The following ZFYVE16 variants were observed in gnomAD, a reference collection of about 807,000 sequenced individuals.
ZFYVE16 encodes zinc finger FYVE domain-containing protein 16.
A neutral mutation model predicts 138.1 loss-of-function variants in ZFYVE16; 89 were observed. That is an observed-to-expected ratio of 0.64 (90% confidence interval 0.54 to 0.77). The LOEUF (loss-of-function observed/expected upper bound fraction) is 0.77, where lower values mean the gene tolerates loss of function less well. ZFYVE16 is among the 30% of genes least tolerant of loss of function. ZFYVE16 has a pLI of 0.00. For missense variants in ZFYVE16, 1,793 were observed against 1,786.7 expected (o/e 1.00, Z -0.06); for synonymous variants, 596 against 618.3 (o/e 0.96, Z 0.53).
intron 15 of ZFYVE16, among the ~76,000 whole-genome samples, chr5:80,463,727 G>A (rs1753386249): frequency 6.6e-6 from 1 of 152,088 alleles, no homozygotes; most frequent in Non-Finnish European, 1.5e-5. Flanking sequence ...CAGTTCCAAA[G>A]TATCTCTTTG....
At chr5:80,426,272 G>GTGTGTGTGTATATATA (rs1370196862) in intron 1 of ZFYVE16, among the ~76,000 whole-genome samples, 1 of 26,398 alleles carries the variant, frequency 3.8e-5, no homozygotes, top group African/African-American at 5.9e-5. Context: ...GTGTGTGTGT[G>GTGTGTGTGTATATATA]TATATATATA....
chr5:80,442,977 CT>C, intron 5 of ZFYVE16, 145 bp from the exon 6 acceptor site: 1 of 746,362 alleles, frequency 1.3e-6, no homozygotes, highest in Non-Finnish European at 2.0e-6. Flanking sequence ...CAGACAGTAT[CT>C]TTGCCAAGTG....
At position 80,440,578 on chromosome 5, in the gene ZFYVE16, T is replaced by C. The variant is rs1032082563; in HGVS notation, c.2419+546T>C. On this transcript the variant is annotated intron_variant, in intron 5 of 18. Transcript: ENST00000505560. ...TCTCAACTTTAGAATTTTGCATATG[T>C]ACACTTCCCATTATTTCTTTGGCTC... 6.1e-6 allele frequency: 6 copies of C among 985,120 alleles called. No homozygotes were observed. In the African/African-American group the frequency reaches 1.0e-4, roughly 17 times the overall value. The allele number at this position is 985,120 out of a possible 1,614,324, so 61.0% of individuals were successfully genotyped here.
intron 1 of ZFYVE16, among the ~76,000 whole-genome samples, chr5:80,415,231 A>G (rs1054036228): frequency 5.9e-5 from 9 of 152,252 alleles, no homozygotes; most frequent in African/African-American, 2.2e-4. Context: ...TTAGATTTAC[A>G]GAATTATTGC....
intron 15 of ZFYVE16, among the ~76,000 whole-genome samples, chr5:80,469,662 G>A (rs1754103106): frequency 6.6e-6 from 1 of 152,114 alleles, no homozygotes. Context: ...GTGAGTGTGT[G>A]TACACAAATA....
intron 18 of ZFYVE16, among the ~76,000 whole-genome samples, chr5:80,475,708 TATATA>T (rs1754838196): frequency 6.6e-6 from 1 of 152,190 alleles, no homozygotes; most frequent in Non-Finnish European, 1.5e-5. Context: ...AGTAGTTGAT[TATATA>T]AATGTACCAT....
intron 15 of ZFYVE16, among the ~76,000 whole-genome samples, chr5:80,469,269 T>C (rs191530243): frequency 6.6e-6 from 1 of 151,874 alleles, no homozygotes; most frequent in East Asian, 1.9e-4. Context: ...CACCTGGCTA[T>C]TTTTTTGTTG....
At chr5:80,475,948 C>T (rs1405082885) in intron 18 of ZFYVE16, among the ~76,000 whole-genome samples, 1 of 152,184 alleles carries the variant, frequency 6.6e-6, no homozygotes, top group Admixed American at 6.5e-5. Flanking sequence ...AGCTCTTTCC[C>T]TCACATCCTT....
chr5:80,433,349 A>G (rs1419561207), intron 2 of ZFYVE16, among the ~76,000 whole-genome samples: 1 of 152,188 alleles, frequency 6.6e-6, no homozygotes, highest in Non-Finnish European at 1.5e-5. Context: ...GAAAAACCAA[A>G]CACCGCATAT....
intron 2 of ZFYVE16, among the ~76,000 whole-genome samples, chr5:80,429,312 A>C (rs921003085): frequency 6.6e-6 from 1 of 152,250 alleles, no homozygotes; most frequent in African/African-American, 2.4e-5. Context: ...TCTTAAAGAA[A>C]AGAATTTTCA....
intron 7 of ZFYVE16, among the ~76,000 whole-genome samples, chr5:80,445,903 T>TC (rs1751287553): frequency 7.4e-6 from 1 of 135,776 alleles, no homozygotes; most frequent in Admixed American, 7.1e-5. Flanking sequence ...GATTTTACCT[T>TC]TTTTTTTTTT....
chr5:80,440,783 C>T (rs1437440971), intron 5 of ZFYVE16: 1 of 983,894 alleles, frequency 1.0e-6, no homozygotes, highest in Non-Finnish European at 1.2e-6. Flanking sequence ...AGTTTAATTC[C>T]TAGCAAATAT....
At chr5:80,473,936 C>A in intron 17 of ZFYVE16, 77 bp downstream of exon 17, 1 of 1,044,192 alleles carries the variant, frequency 9.6e-7, no homozygotes, top group Non-Finnish European at 1.4e-6. Context: ...GCATACTCAA[C>A]CTCTAAATAT....
At chr5:80,447,115 T>G (rs1049002278) in intron 7 of ZFYVE16, among the ~76,000 whole-genome samples, 3 of 151,706 alleles carry the variant, frequency 2.0e-5, no homozygotes, top group African/African-American at 4.8e-5. Context: ...AATACAAAAA[T>G]TAGCCAGGTA....
intron 15 of ZFYVE16, among the ~76,000 whole-genome samples, chr5:80,460,605 A>G (rs564276802): frequency 3.3e-5 from 5 of 152,146 alleles, no homozygotes; most frequent in Non-Finnish European, 7.4e-5. Context: ...AAATCCAGTG[A>G]CTTTTTTTGT....
At position 80,438,380 on chromosome 5, in the gene ZFYVE16, T is replaced by C; in HGVS notation, c.1695T>C (p.Asp565=). 1 of 1,613,836 alleles carries C rather than the reference T, an allele frequency of 6.2e-7. No individual in the cohort carries two copies. The highest frequency in any genetic ancestry group is 8.5e-7 in the Non-Finnish European group (1 of 1,179,906). The part of the protein sequence containing the change: ...NDSKSQMNQI[D]MKGLDDGNIN... ...CTAAATCGCAAATGAATCAGATAGA[T>C]ATGAAAGGCTTAGATGATGGAAACA... is the stretch of plus-strand genomic sequence containing the variant. The change falls in exon 4 of 19, where the codon GAT becomes GAC. Residue 565 remains aspartate (D), a synonymous_variant. Coordinates refer to ENST00000505560, the MANE Select transcript of ZFYVE16 (RefSeq NM_001284236.3).
intron 15 of ZFYVE16, among the ~76,000 whole-genome samples, chr5:80,461,351 A>G (rs905159092): frequency 2.0e-5 from 3 of 152,156 alleles, no homozygotes; most frequent in African/African-American, 7.2e-5. Context: ...CATTACCCCC[A>G]TTGTCTCACT....
intron 14 of ZFYVE16, 130 bp downstream of exon 14, chr5:80,457,222 T>G (rs574103260): frequency 6.1e-5 from 81 of 1,325,632 alleles, no homozygotes; most frequent in Admixed American, 4.4e-4. Context: ...GTTTTGAAAT[T>G]TCAGCTACAC....
chr5:80,435,745 G>A (rs1749811581), intron 3 of ZFYVE16: 1 of 439,888 alleles, frequency 2.3e-6, no homozygotes, highest in Admixed American at 2.4e-5. Context: ...ATTTAAAAAT[G>A]TGTATATTTT....
Sources: gnomAD v4.1 joint callset for allele counts (sites outside exome capture counted in the v4.1 genomes callset) on GRCh38, gnomAD v4.1.1 for gene constraint, MANE v1.5 for transcripts, NCBI Gene and HGNC (gene_info 2026-07-23, HGNC 2026-07-21) for gene names.